Variants in COL28A1 observed in about 807,000 individuals in gnomAD.
COL28A1 encodes collagen type XXVIII alpha 1 chain, also known as collagen alpha-1(XXVIII) chain.
A neutral mutation model predicts 150.2 loss-of-function variants in COL28A1; 161 were observed. The observed-to-expected ratio is 1.07, with a 90% CI of 0.94 to 1.22. COL28A1 has a LOEUF of 1.22. Among genes scored for constraint, COL28A1 ranks in the 50% most tolerant of loss-of-function variants. The pLI, the probability that COL28A1 is intolerant of heterozygous loss-of-function variation, is 0.00. For missense variants in COL28A1, 1,617 were observed against 1,388.3 expected (o/e 1.16, Z -2.62); for synonymous variants, 552 against 469.7 (o/e 1.18, Z -2.26).
rs538188614 is a variant in COL28A1, at chr7:7,510,040, TC to T, written c.927+1050del. Among the ~76,000 whole-genome samples the T allele has an allele frequency of 1.7e-4, 26 of 152,228 alleles. 1 individual carries two copies. The South Asian group carries it at 5.0e-3, about 29-fold the overall frequency. On this transcript the variant is annotated intron_variant, in intron 9 of 34. Coordinates refer to ENST00000399429, the MANE Select transcript of COL28A1 (RefSeq NM_001037763.3). ...TTATCTCACCCTCTTCTCCTAACCT[TC>T]TGCCTCATTTTCTCTCCTTGACTCC...
rs139290615 is a variant in COL28A1 at position 7,409,820 on chromosome 7, A to G, written c.2136+8039T>C. The stretch of plus-strand genomic sequence containing the variant: ...AGTGTGGTATTTCAGCAAATCTGTG[A>G]CTGTCACTGTCATCACACAGGGCCT... On this transcript the variant is annotated intron_variant, in intron 27 of 34. Transcript: ENST00000399429. Among the ~76,000 whole-genome samples the G allele has an allele frequency of 1.3e-3, 195 of 152,178 alleles. 1 individual carries two copies. The highest frequency in any genetic ancestry group is 4.4e-3 in the African/African-American group (182 of 41,542).
At chr7:7,428,018 T>C (rs775540243) in intron 25 of COL28A1, among the ~76,000 whole-genome samples, 1 of 152,206 alleles carries the variant, frequency 6.6e-6, no homozygotes. Flanking sequence ...ATGTTTCTAT[T>C]GTAAAGAGAC....
At chr7:7,513,697 C>T (rs929098258) in intron 8 of COL28A1, among the ~76,000 whole-genome samples, 14 of 152,114 alleles carry the variant, frequency 9.2e-5, no homozygotes, top group Admixed American at 9.2e-4. Flanking sequence ...ACAGAAAGTA[C>T]CATAAATACA....
Position 7,423,794 on chromosome 7 carries a change from T to C in COL28A1, c.1999-3841A>G, listed in dbSNP as rs183603660. Among the ~76,000 whole-genome samples the C allele has an allele frequency of 2.6e-3, 394 of 152,278 alleles. 1 individual carries two copies. Among genetic ancestry groups the C allele is most frequent in the Non-Finnish European group, 4.7e-3 (317 of 68,016 alleles). On this transcript the variant is annotated intron_variant, in intron 25 of 34. Coordinates refer to ENST00000399429, the MANE Select transcript of COL28A1 (RefSeq NM_001037763.3). ...GTTTACCTCAGGCCAGCCTTGTCAA[T>C]GCTCAGTGTTGCTATTCATTCTCTC...
chr7:7,370,101 G>A (rs1015450153), intron 33 of COL28A1, among the ~76,000 whole-genome samples: 27 of 152,156 alleles, frequency 1.8e-4, no homozygotes, highest in Non-Finnish European at 5.9e-5. Context: ...CTTGCTATGA[G>A]GACAGTCACA....
chr7:7,365,704 A>G (rs1468892191), intron 33 of COL28A1, among the ~76,000 whole-genome samples: 1 of 152,228 alleles, frequency 6.6e-6, no homozygotes, highest in Non-Finnish European at 1.5e-5. Flanking sequence ...GCTAATGATC[A>G]TCTGCATTAG....
In COL28A1 at chr7:7,358,650, TTTC is replaced by T; in HGVS notation, c.3358_3360del (p.Glu1120del). The T allele has an allele frequency of 6.2e-7, 1 of 1,613,918 alleles. No homozygotes were observed. Among genetic ancestry groups the T allele is most frequent in the Non-Finnish European group, 8.5e-7 (1 of 1,179,900 alleles). On this transcript the variant is annotated inframe_deletion, in exon 35 of 35. Coordinates refer to ENST00000399429, the MANE Select transcript of COL28A1 (RefSeq NM_001037763.3). ...TTACTTGCTCATCCTTGAATGCAGGTTTCTTGACATTCCTTTTCACTGTTGAAT... is the reference window on the plus strand; with the variant it reads ...TTACTTGCTCATCCTTGAATGCAGGTTTGACATTCCTTTTCACTGTTGAAT...
chr7:7,425,803 G>T (rs1201926806), intron 25 of COL28A1, among the ~76,000 whole-genome samples: 1 of 152,198 alleles, frequency 6.6e-6, no homozygotes, highest in East Asian at 1.9e-4. Flanking sequence ...GCCTCAGGGA[G>T]ACTAAACGAC....
chr7:7,526,580 T>C (rs1782036388), intron 3 of COL28A1, among the ~76,000 whole-genome samples: 1 of 151,938 alleles, frequency 6.6e-6, no homozygotes, highest in African/African-American at 2.4e-5. Flanking sequence ...ACTACTGAAA[T>C]AAAGAAAAAT....
chr7:7,455,095 A>G (rs935118899), intron 16 of COL28A1, among the ~76,000 whole-genome samples: 4 of 152,200 alleles, frequency 2.6e-5, no homozygotes, highest in African/African-American at 9.7e-5. Context: ...GAATTATCTC[A>G]TTTTTTAAAT....
At chr7:7,537,065 T>C (rs981373652), upstream of COL28A1, among the ~76,000 whole-genome samples, 4 of 152,190 alleles carry the variant, frequency 2.6e-5, no homozygotes, top group African/African-American at 9.7e-5. Flanking sequence ...ACACCTCTAA[T>C]AATAAACATT....
At chr7:7,338,251 G>T in the COL28A1 span, among the ~76,000 whole-genome samples, 1 of 151,980 alleles carries the variant, frequency 6.6e-6, no homozygotes, top group Non-Finnish European at 1.5e-5. Context: ...AATGATGTTG[G>T]TAGTTTGGCG....
In COL28A1 at chr7:7,507,112, CT is replaced by C; in HGVS notation, c.972+4del. 3 of 1,214,332 alleles carry C rather than the reference CT, an allele frequency of 2.5e-6. No individual in the cohort carries two copies. The highest frequency in any genetic ancestry group is 3.7e-6 in the Non-Finnish European group (3 of 816,178). The allele number at this position is 1,214,332 out of a possible 1,614,324, so 75.2% of individuals were successfully genotyped here. ...CAAACTTAGATTTGGTTTTAACCCC[CT>C]TACCTGAATTCCTCTGGGTCCCTTT... On this transcript the variant is annotated splice_donor_region_variant and intron_variant, in intron 10 of 34. Transcript: ENST00000399429.
chr7:7,502,247 G>A (rs541326585), intron 11 of COL28A1, among the ~76,000 whole-genome samples: 2 of 152,294 alleles, frequency 1.3e-5, no homozygotes, highest in East Asian at 3.9e-4. Context: ...TGTGGTAGAG[G>A]ATGAGGTGGA....
intron 25 of COL28A1, among the ~76,000 whole-genome samples, chr7:7,422,481 T>G (rs1424613275): frequency 6.6e-6 from 1 of 151,868 alleles, no homozygotes. Context: ...ATACAAAAAT[T>G]AGCTAGGCGT....
chr7:7,520,562 C>T (rs1176689548), intron 5 of COL28A1, among the ~76,000 whole-genome samples: 2 of 152,166 alleles, frequency 1.3e-5, no homozygotes, highest in Non-Finnish European at 2.9e-5. Flanking sequence ...GTTCTGATAT[C>T]CAGGAGACAA....
the COL28A1 span, among the ~76,000 whole-genome samples, chr7:7,347,147 T>C: frequency 6.6e-6 from 1 of 152,092 alleles, no homozygotes; most frequent in Non-Finnish European, 1.5e-5. Context: ...AAACAATGTA[T>C]ATGAGCTTTC....
intron 27 of COL28A1, among the ~76,000 whole-genome samples, chr7:7,389,359 T>G (rs1782391657): frequency 6.6e-6 from 1 of 152,180 alleles, no homozygotes; most frequent in Admixed American, 6.5e-5. Context: ...GGTCAACATA[T>G]CTGTTTTGGT....
intron 15 of COL28A1, among the ~76,000 whole-genome samples, chr7:7,469,596 T>C (rs1426874000): frequency 2.1e-5 from 2 of 96,050 alleles, no homozygotes; most frequent in Non-Finnish European, 4.1e-5. Context: ...CTTCACAGAA[T>C]TGGAAAAAAC....
Sources: allele counts gnomAD v4.1 joint callset (sites outside exome capture counted in the v4.1 genomes callset), GRCh38; gene constraint gnomAD v4.1.1; transcripts MANE v1.5; gene names NCBI Gene and HGNC (gene_info 2026-07-23, HGNC 2026-07-21).